The following ASIP variants were observed in gnomAD, a reference collection of about 807,000 sequenced individuals.
ASIP encodes agouti signaling protein, also known as agouti-signaling protein.
Under a neutral mutation model 10.3 loss-of-function variants are expected in ASIP, and 11 were observed. The observed-to-expected ratio is 1.07, with a 90% CI of 0.68 to 1.78. ASIP has a LOEUF of 1.78. Among genes scored for constraint, ASIP ranks in the 40% most tolerant of loss-of-function variants. The probability of loss-of-function intolerance (pLI) is 0.00; values close to 1 mark genes in which losing one functional copy is unlikely to be tolerated. For synonymous variants in ASIP, 70 were observed against 70.8 expected, an observed-to-expected ratio of 0.99 and a Z score of 0.06; for missense variants, 180 against 169.2, an observed-to-expected ratio of 1.06 and a Z score of -0.35.
chr20:34,255,185 T>C (rs1289201395), intron 1 of ASIP, among the ~76,000 whole-genome samples: 1 of 152,200 alleles, frequency 6.6e-6, no homozygotes, highest in African/African-American at 2.4e-5. Context: ...TCCAGTCCCA[T>C]GGATATTGGC....
At chr20:34,220,728 T>C (rs1409716095) in intron 1 of ASIP, among the ~76,000 whole-genome samples, 1 of 152,148 alleles carries the variant, frequency 6.6e-6, no homozygotes, top group Admixed American at 6.5e-5. Context: ...TGAATTCATT[T>C]GACATGCTTA....
In ASIP at chr20:34,260,479, C is replaced by G. The variant is rs778392896; in HGVS notation, c.105C>G (p.Ser35Arg). 2 of 1,613,968 alleles carry G rather than the reference C, an allele frequency of 1.2e-6. No individual in the cohort carries two copies. Among genetic ancestry groups the G allele is most frequent in the African/African-American group, 2.7e-5 (2 of 74,930 alleles). Residue 35 changes from serine (S) to arginine (R), a missense_variant, in exon 2 of 4, where the codon AGC becomes AGG. Ser to Arg is a moderately radical substitution (Grantham distance 110). Transcript: ENST00000374954. ...AGGAGAAGCTCCGAGATGACAGGAG[C>G]CTGAGAAGCAACTCCTCTGTGAACC... ...PPEEKLRDDR[S>R]LRSNSSVNLL...
chr20:34,234,253 G>A (rs1282042689), intron 1 of ASIP, among the ~76,000 whole-genome samples: 2 of 152,222 alleles, frequency 1.3e-5, no homozygotes, highest in Non-Finnish European at 2.9e-5. Context: ...ATGACCCAAA[G>A]TGAAGTGCCT....
Position 34,200,988 on chromosome 20 carries a change from C to T in ASIP, c.-11+6228C>T, listed in dbSNP as rs1207609011. 1.3e-3 allele frequency among the ~76,000 whole-genome samples: 72 copies of T among 53,976 alleles called. 3 individuals are homozygous for T. Among genetic ancestry groups the T allele is most frequent in the African/African-American group, 0.013 (69 of 5,188 alleles). 35.4% of individuals were successfully genotyped at this position (53,976 alleles called of 152,430 possible). ...TCTTTCTTTCCTTCCTTCCTTCCTT[C>T]CTTCCTTCCTTCCTTCCTTCCTTCC... On this transcript the variant is annotated intron_variant, in intron 1 of 3. Coordinates refer to the ASIP transcript ENST00000568305.
intron 1 of ASIP, among the ~76,000 whole-genome samples, chr20:34,221,779 C>G (rs1235942867): frequency 6.6e-6 from 1 of 151,922 alleles, no homozygotes; most frequent in Non-Finnish European, 1.5e-5. Context: ...TAGGGCATAG[C>G]GGAAGGAATA....
intron 3 of ASIP, among the ~76,000 whole-genome samples, chr20:34,267,820 C>A (rs1349874692): frequency 2.0e-5 from 3 of 150,052 alleles, no homozygotes; most frequent in Non-Finnish European, 4.4e-5. Context: ...CATGAGCCAC[C>A]ACACCCAGTT....
intron 1 of ASIP, among the ~76,000 whole-genome samples, chr20:34,204,180 T>C (rs1430250946): frequency 2.6e-5 from 4 of 152,134 alleles, no homozygotes. Context: ...ATGTAGTATG[T>C]GTAGTGTGTG....
chr20:34,191,941 G>C (rs546798501), upstream of ASIP, among the ~76,000 whole-genome samples: 40 of 152,228 alleles, frequency 2.6e-4, no homozygotes, highest in Non-Finnish European at 4.7e-4. Flanking sequence ...ATGTTGGCCA[G>C]GCTGGTCTCA....
At chr20:34,220,594 C>CAAA (rs11373441) in intron 1 of ASIP, among the ~76,000 whole-genome samples, 1 of 135,296 alleles carries the variant, frequency 7.4e-6, no homozygotes, top group African/African-American at 2.6e-5. Flanking sequence ...GACCTTCTCT[C>CAAA]AAAAAAAAAA....
chr20:34,248,842 C>G (rs573229421), intron 1 of ASIP, among the ~76,000 whole-genome samples: 2 of 151,562 alleles, frequency 1.3e-5, no homozygotes, highest in Admixed American at 1.3e-4. Context: ...TATGTTGTAG[C>G]CTCTCTGAAG....
intron 1 of ASIP, among the ~76,000 whole-genome samples, chr20:34,201,007 TCCTTCC>T (rs2034891498): frequency 1.3e-5 from 1 of 76,246 alleles, no homozygotes; most frequent in African/African-American, 1.4e-4. Flanking sequence ...CTTCCTTCCT[TCCTTCC>T]TTCCTTCTTT....
chr20:34,257,364 C>A (rs1208823375), intron 1 of ASIP, among the ~76,000 whole-genome samples: 1 of 152,134 alleles, frequency 6.6e-6, no homozygotes, highest in East Asian at 1.9e-4. Flanking sequence ...GGATTATAGG[C>A]GTGAGCCACC....
chr20:34,198,945 T>C (rs2122533626), intron 1 of ASIP, among the ~76,000 whole-genome samples: 1 of 152,312 alleles, frequency 6.6e-6, no homozygotes, highest in Non-Finnish European at 1.5e-5. Flanking sequence ...AAGTCCCTTT[T>C]TCTTACCAAA....
intron 1 of ASIP, among the ~76,000 whole-genome samples, chr20:34,198,727 C>T (rs1244291262): frequency 1.3e-5 from 2 of 152,080 alleles, no homozygotes; most frequent in South Asian, 2.1e-4. Flanking sequence ...GAACCTCCCA[C>T]CTCAACCTCC....
At position 34,263,393 on chromosome 20, in the gene ASIP, C is replaced by T. The variant is rs565146230; in HGVS notation, c.222+500C>T. ...TAGCCTGGCCAACATGGTGAAACCCCGTCTCTACTAAAAATACAAAAATTA... is the reference window on the plus strand; with the variant it reads ...TAGCCTGGCCAACATGGTGAAACCCTGTCTCTACTAAAAATACAAAAATTA... On this transcript the variant is annotated intron_variant, in intron 3 of 3. Coordinates refer to ENST00000374954, the MANE Select transcript of ASIP (RefSeq NM_001672.3). Among the ~76,000 whole-genome samples, 5 of 152,146 alleles carry T rather than the reference C, an allele frequency of 3.3e-5. No individual in the cohort carries two copies. In the East Asian group the frequency reaches 5.8e-4, roughly 18 times the overall value.
intron 1 of ASIP, chr20:34,213,698 T>A: frequency 1.3e-6 from 2 of 1,531,768 alleles, no homozygotes; most frequent in Non-Finnish European, 1.8e-6. Context: ...GCAGATGGGA[T>A]GAACGGAAAA....
intron 1 of ASIP, among the ~76,000 whole-genome samples, chr20:34,219,861 A>G (rs1411092560): frequency 2.6e-5 from 4 of 152,162 alleles, no homozygotes; most frequent in Admixed American, 6.6e-5. Flanking sequence ...AGGCCGAGGC[A>G]GGCGGATCAT....
intron 1 of ASIP, among the ~76,000 whole-genome samples, chr20:34,246,946 T>C (rs567166757): frequency 3.9e-5 from 6 of 151,998 alleles, no homozygotes; most frequent in African/African-American, 9.7e-5. Context: ...TTTATGTTTT[T>C]AGTTTTTTTT....
At chr20:34,267,323 T>C (rs1458497582) in intron 3 of ASIP, among the ~76,000 whole-genome samples, 1 of 151,748 alleles carries the variant, frequency 6.6e-6, no homozygotes, top group Non-Finnish European at 1.5e-5. Flanking sequence ...TGTAAGGAAG[T>C]AGCATTTAAA....
Sources: allele counts gnomAD v4.1 joint callset (sites outside exome capture counted in the v4.1 genomes callset), GRCh38; gene constraint gnomAD v4.1.1; transcripts MANE v1.5; gene names NCBI Gene and HGNC (gene_info 2026-07-23, HGNC 2026-07-21).